The following ZDHHC7 variants were observed in gnomAD, a reference collection of about 807,000 sequenced individuals.
ZDHHC7 encodes zDHHC palmitoyltransferase 7.
Under a neutral mutation model 34.1 loss-of-function variants are expected in ZDHHC7, and 12 were observed. That is an observed-to-expected ratio of 0.35 (90% CI 0.23 to 0.57). The LOEUF (loss-of-function observed/expected upper bound fraction) is 0.57, where lower values mean the gene tolerates loss of function less well. ZDHHC7 is among the 20% of genes least tolerant of loss of function. The pLI is 0.84. For missense variants in ZDHHC7, 388 were observed against 402.7 expected, an observed-to-expected ratio of 0.96 and a Z score of 0.31; for synonymous variants, 185 against 155.4, an observed-to-expected ratio of 1.19 and a Z score of -1.42.
chr16:85,014,345 C>A (rs2072825653), upstream of ZDHHC7, among the ~76,000 whole-genome samples: 1 of 152,190 alleles, frequency 6.6e-6, no homozygotes. Context: ...CAACATCTTT[C>A]TATAGCAGGC....
upstream of ZDHHC7, among the ~76,000 whole-genome samples, chr16:85,014,230 G>T (rs371882973): frequency 6.6e-5 from 10 of 152,248 alleles, no homozygotes; most frequent in South Asian, 1.5e-3. Flanking sequence ...TTTCAGGATG[G>T]CCACCTGAGA....
At chr16:85,013,218 C>T (rs1027817473), upstream of ZDHHC7, among the ~76,000 whole-genome samples, 2 of 152,074 alleles carry the variant, frequency 1.3e-5, no homozygotes, top group East Asian at 3.9e-4. Context: ...CATTTCTCTA[C>T]AAAAGTATTG....
intron 1 of ZDHHC7, among the ~76,000 whole-genome samples, chr16:84,998,817 G>A (rs1019387906): frequency 1.4e-5 from 2 of 146,876 alleles, no homozygotes; most frequent in African/African-American, 2.5e-5. Flanking sequence ...GCAGTGGCGC[G>A]ATCTCGGCTC....
At position 84,975,753 on chromosome 16, in the gene ZDHHC7, A is replaced by G. The variant is rs2143525995; in HGVS notation, c.*590T>C. 1 of 155,444 alleles carries G rather than the reference A, an allele frequency of 6.4e-6. No individual in the cohort carries two copies. Among genetic ancestry groups the G allele is most frequent in the East Asian group, 1.9e-4 (1 of 5,204 alleles). The allele number at this position is 155,444 out of a possible 1,614,324, so 9.6% of individuals were successfully genotyped here. A position where few individuals can be genotyped will look rare whatever the true frequency, so the allele number is the denominator to read the frequency against. On this transcript the variant is annotated 3_prime_UTR_variant, in exon 8 of 8. Coordinates refer to ENST00000313732, the MANE Select transcript of ZDHHC7 (RefSeq NM_017740.3). ...CGCGCACACGCACAGACACGCACAC[A>G]CACAGACTTGCTGAGAGGGTCAAAG...
chr16:85,002,291 G>A (rs544066694), intron 1 of ZDHHC7, among the ~76,000 whole-genome samples: 4 of 152,050 alleles, frequency 2.6e-5, no homozygotes, highest in Non-Finnish European at 4.4e-5. Flanking sequence ...AGTTTCTAAC[G>A]AGTGGAGTAC....
At chr16:85,019,545 C>G in the ZDHHC7 span, among the ~76,000 whole-genome samples, 2 of 152,050 alleles carry the variant, frequency 1.3e-5, no homozygotes, top group African/African-American at 4.8e-5. Context: ...TGGTGAAACC[C>G]CGTCTCTACT....
At chr16:84,994,447 C>T (rs1365549789) in intron 2 of ZDHHC7, among the ~76,000 whole-genome samples, 1 of 152,194 alleles carries the variant, frequency 6.6e-6, no homozygotes, top group East Asian at 1.9e-4. Context: ...GGGTGCTTTC[C>T]AGGCAGTAAA....
At chr16:84,979,337 GT>G in intron 4 of ZDHHC7, 52 bp from the exon 5 acceptor site, 1 of 1,573,412 alleles carries the variant, frequency 6.4e-7, no homozygotes, top group Non-Finnish European at 8.6e-7. Context: ...GGAAACCAGA[GT>G]AACACAACCA....
In ZDHHC7 at chr16:84,983,509, C is replaced by A. The variant is rs892676655; in HGVS notation, c.316-1515G>T. The stretch of plus-strand genomic sequence containing the variant: ...GCCTTGGGCAGCACAGGCAGGGGGG[C>A]CCCAGGGCAAATGTGAGTGTTGACT... On this transcript the variant is annotated intron_variant, in intron 3 of 7. Transcript: ENST00000313732. Among the ~76,000 whole-genome samples the A allele has an allele frequency of 4.6e-5, 7 of 152,226 alleles. No individual in the cohort carries two copies. In the East Asian group the frequency reaches 1.4e-3, roughly 29 times the overall value.
chr16:85,005,272 C>A (rs1361632089), intron 1 of ZDHHC7, among the ~76,000 whole-genome samples: 1 of 152,156 alleles, frequency 6.6e-6, no homozygotes, highest in African/African-American at 2.4e-5. Context: ...ACAAAATGAG[C>A]TTTTATAATG....
chr16:84,987,645 G>A (rs1010448707), intron 3 of ZDHHC7, among the ~76,000 whole-genome samples: 1 of 152,158 alleles, frequency 6.6e-6, no homozygotes, highest in East Asian at 1.9e-4. Context: ...AAACTTACAC[G>A]CGGCCGTTCA....
rs531998523 is a variant in ZDHHC7, at chr16:85,001,925, A to T, written c.-103-5918T>A. On this transcript the variant is annotated intron_variant, in intron 1 of 7. Coordinates refer to ENST00000313732, the MANE Select transcript of ZDHHC7 (RefSeq NM_017740.3). ...AAGGAACCAGGACTGAGGCAAAAAA[A>T]ATAAATATATATACAAGATGAGCTT... 2.0e-3 allele frequency among the ~76,000 whole-genome samples: 290 copies of T among 148,686 alleles called. 1 individual carries two copies. The highest frequency in any genetic ancestry group is 0.012 in the East Asian group (63 of 5,076).
chr16:84,996,603 G>T (rs2072580332), intron 1 of ZDHHC7, among the ~76,000 whole-genome samples: 1 of 152,186 alleles, frequency 6.6e-6, no homozygotes, highest in Admixed American at 6.5e-5. Flanking sequence ...AAGGTCTAAA[G>T]ACTCTGCGAT....
intron 3 of ZDHHC7, among the ~76,000 whole-genome samples, chr16:84,989,655 T>C (rs11648697): frequency 0.096 from 13,536 of 140,462 alleles, 660 homozygotes; most frequent in Middle Eastern, 0.14. Context: ...AGATCGCACA[T>C]TGCACTCCAG....
chr16:85,008,415 G>A (rs2072745552), intron 1 of ZDHHC7, among the ~76,000 whole-genome samples: 1 of 151,998 alleles, frequency 6.6e-6, no homozygotes, highest in Non-Finnish European at 1.5e-5. Flanking sequence ...TGAGTCCACA[G>A]GGAGAGGACA....
rs112461643 is a variant in ZDHHC7, at chr16:84,990,588, C to T, written c.31G>A (p.Val11Ile). The T allele has an allele frequency of 2.2e-4, 355 of 1,613,962 alleles. 1 individual carries two copies. In the African/African-American group the frequency reaches 4.1e-3, roughly 19 times the overall value. Residue 11 changes from valine to isoleucine, a missense_variant, in exon 3 of 8, where the codon GTC becomes ATC. By Grantham distance (29) the Val-to-Ile change is conservative. Transcript: ENST00000313732. Reference protein sequence around the residue: MQPSGHRLRDVEHHPLLAEND... With the variant: MQPSGHRLRDIEHHPLLAEND... The stretch of plus-strand genomic sequence containing the variant: ...TCAGCCAGGAGAGGATGATGCTCGA[C>T]GTCCCGGAGCCTGTGTCCTGATGGC...
At chr16:85,003,717 T>C (rs1465824815) in intron 1 of ZDHHC7, among the ~76,000 whole-genome samples, 2 of 152,140 alleles carry the variant, frequency 1.3e-5, no homozygotes, top group Non-Finnish European at 2.9e-5. Flanking sequence ...TAGAAGGGCA[T>C]TTCATATTAA....
rs1333662080 is a variant in ZDHHC7 at position 84,988,243 on chromosome 16, C to T, written c.315+2061G>A. Among the ~76,000 whole-genome samples the T allele has an allele frequency of 2.6e-5, 4 of 151,316 alleles. No homozygotes were observed. The East Asian group carries it at 5.9e-4, about 22-fold the overall frequency. On this transcript the variant is annotated intron_variant, in intron 3 of 7. Coordinates refer to ENST00000313732, the MANE Select transcript of ZDHHC7 (RefSeq NM_017740.3). Reference sequence around the variant, plus strand: ...AGTGGTTGCCAGGGGCAGAGGGCGTCGGGTGGTGGGGTCGGGGAACTGGGA... The same window carrying T: ...AGTGGTTGCCAGGGGCAGAGGGCGTTGGGTGGTGGGGTCGGGGAACTGGGA...
At chr16:84,989,229 G>C (rs1454001124) in intron 3 of ZDHHC7, among the ~76,000 whole-genome samples, 1 of 152,160 alleles carries the variant, frequency 6.6e-6, no homozygotes, top group South Asian at 2.1e-4. Flanking sequence ...CTCTGGTTGG[G>C]CCTATAATAC....
Sources: gnomAD v4.1 joint callset for allele counts (sites outside exome capture counted in the v4.1 genomes callset) on GRCh38, gnomAD v4.1.1 for gene constraint, MANE v1.5 for transcripts, NCBI Gene and HGNC (gene_info 2026-07-23, HGNC 2026-07-21) for gene names.